Variants in GALNT13 observed in about 807,000 individuals in gnomAD.
GALNT13 encodes polypeptide N-acetylgalactosaminyltransferase 13, also known as UDP-GalNAc:polypeptide N-acetylgalactosaminyltransferase 13.
In GALNT13, 28 loss-of-function variants were observed where a neutral mutation model predicts 64.2. That is an observed-to-expected ratio of 0.44 (90% CI 0.32 to 0.60). GALNT13 has a LOEUF of 0.60. Among genes scored for constraint, GALNT13 ranks in the 20% least tolerant of loss-of-function variants. GALNT13 has a pLI of 0.05. For synonymous variants in GALNT13, 214 were observed against 224.6 expected, an observed-to-expected ratio of 0.95 and a Z score of 0.42; for missense variants, 577 against 669.8, an observed-to-expected ratio of 0.86 and a Z score of 1.53.
At chr2:154,410,846 G>A (rs1699760522) in intron 11 of GALNT13, among the ~76,000 whole-genome samples, 1 of 151,786 alleles carries the variant, frequency 6.6e-6, no homozygotes, top group Admixed American at 6.6e-5. Flanking sequence ...AATAAGAAAG[G>A]TACCCCAGAT....
intron 3 of GALNT13, among the ~76,000 whole-genome samples, chr2:154,008,793 A>G (rs1340529122): frequency 3.9e-5 from 6 of 152,164 alleles, no homozygotes; most frequent in Non-Finnish European, 7.3e-5. Context: ...ATAGAATTCC[A>G]TGGTATATAT....
At chr2:154,163,428 A>T (rs1684853119) in intron 4 of GALNT13, among the ~76,000 whole-genome samples, 1 of 152,136 alleles carries the variant, frequency 6.6e-6, no homozygotes, top group Admixed American at 6.5e-5. Flanking sequence ...CACCGATCCC[A>T]CAGAAATACA....
At chr2:153,652,117 A>G in the GALNT13 span, among the ~76,000 whole-genome samples, 1 of 152,258 alleles carries the variant, frequency 6.6e-6, no homozygotes, top group Middle Eastern at 3.4e-3. Flanking sequence ...GCTACATATA[A>G]ATAAAATTAT....
the GALNT13 span, among the ~76,000 whole-genome samples, chr2:153,779,221 A>G: frequency 6.6e-6 from 1 of 152,248 alleles, no homozygotes; most frequent in African/African-American, 2.4e-5. Context: ...CGCAAAACAT[A>G]TAATTTCATT....
the GALNT13 span, among the ~76,000 whole-genome samples, chr2:153,456,888 G>A: frequency 6.6e-6 from 1 of 152,120 alleles, no homozygotes; most frequent in African/African-American, 2.4e-5. Flanking sequence ...GGGTCCAGGC[G>A]GATAATATAA....
In GALNT13 at chr2:154,147,781, A is replaced by G. The variant is rs1008587682; in HGVS notation, c.311+7276A>G. ...CACTTTCTAAATCTACCTGGTAATC[A>G]TATTTTTACTTATGTTTTTCCTACT... On this transcript the variant is annotated intron_variant, in intron 4 of 12. Transcript: ENST00000392825. 1.1e-4 allele frequency among the ~76,000 whole-genome samples: 17 copies of G among 151,872 alleles called. 1 individual carries two copies. The highest frequency in any genetic ancestry group is 5.9e-5 in the Non-Finnish European group (4 of 67,956).
At chr2:154,170,888 A>G (rs1021330050) in intron 4 of GALNT13, among the ~76,000 whole-genome samples, 30 of 152,190 alleles carry the variant, frequency 2.0e-4, no homozygotes, top group African/African-American at 7.0e-4. Context: ...TAAACAAATG[A>G]ATAATACTCT....
At chr2:153,155,324 G>C in the GALNT13 span, among the ~76,000 whole-genome samples, 1 of 152,134 alleles carries the variant, frequency 6.6e-6, no homozygotes, top group Admixed American at 6.5e-5. Context: ...ACTTCTGGTA[G>C]AATTCAGCTG....
intron 11 of GALNT13, among the ~76,000 whole-genome samples, chr2:154,422,976 A>G (rs957676944): frequency 3.3e-5 from 5 of 152,022 alleles, no homozygotes; most frequent in African/African-American, 1.2e-4. Context: ...GGTTTATTAT[A>G]TAAGTATGCA....
intron 4 of GALNT13, among the ~76,000 whole-genome samples, chr2:154,201,076 A>G (rs902521676): frequency 6.6e-6 from 1 of 152,142 alleles, no homozygotes; most frequent in Admixed American, 6.6e-5. Context: ...ATCAAGTGGT[A>G]TATATAATAT....
the GALNT13 span, among the ~76,000 whole-genome samples, chr2:153,191,673 C>T: frequency 2.0e-5 from 3 of 148,602 alleles, no homozygotes; most frequent in South Asian, 6.3e-4. Flanking sequence ...TAGAAGTTGG[C>T]TGTGAAGCTG....
intron 4 of GALNT13, chr2:154,235,983 C>A: frequency 1.2e-6 from 1 of 824,858 alleles, no homozygotes; most frequent in African/African-American, 1.8e-5. Flanking sequence ...TATGATTCTG[C>A]CTCCATATTC....
chr2:153,400,669 G>A, the GALNT13 span, among the ~76,000 whole-genome samples: 5 of 152,130 alleles, frequency 3.3e-5, no homozygotes, highest in African/African-American at 7.2e-5. Flanking sequence ...TGTATTTGTC[G>A]AGGAATTTAT....
chr2:154,348,529 C>T (rs1447339837), intron 9 of GALNT13, among the ~76,000 whole-genome samples: 1 of 151,974 alleles, frequency 6.6e-6, no homozygotes, highest in African/African-American at 2.4e-5. Flanking sequence ...CCTAGAGCTC[C>T]TTTGAAAAAT....
At chr2:153,533,657 A>C in the GALNT13 span, among the ~76,000 whole-genome samples, 1 of 132,222 alleles carries the variant, frequency 7.6e-6, no homozygotes, top group Non-Finnish European at 1.6e-5. Flanking sequence ...TTCTTCTGCT[A>C]TTCCCCTTCA....
chr2:153,130,479 C>G, the GALNT13 span, among the ~76,000 whole-genome samples: 1 of 152,150 alleles, frequency 6.6e-6, no homozygotes, highest in African/African-American at 2.4e-5. Flanking sequence ...TGAAAACTCT[C>G]TAAGTGATCT....
chr2:153,110,343 A>G, the GALNT13 span, among the ~76,000 whole-genome samples: 1 of 152,086 alleles, frequency 6.6e-6, no homozygotes, highest in African/African-American at 2.4e-5. Context: ...ATGAGGATGG[A>G]CAAAAAGAAT....
At chr2:153,534,701 T>G in the GALNT13 span, among the ~76,000 whole-genome samples, 2 of 148,164 alleles carry the variant, frequency 1.3e-5, no homozygotes, top group African/African-American at 2.5e-5. Context: ...GGAGTGGGGG[T>G]CGCAAGGTGC....
At chr2:153,887,364 G>A (rs369481782) in intron 1 of GALNT13, among the ~76,000 whole-genome samples, 99 of 150,146 alleles carry the variant, frequency 6.6e-4, no homozygotes, top group African/African-American at 2.3e-3. Flanking sequence ...CTGCTTAACC[G>A]ATTTTCGAAA....
Sources: gnomAD v4.1 joint callset for allele counts (sites outside exome capture counted in the v4.1 genomes callset) on GRCh38, gnomAD v4.1.1 for gene constraint, MANE v1.5 for transcripts, NCBI Gene and HGNC (gene_info 2026-07-23, HGNC 2026-07-21) for gene names.